The following HORMAD2 variants were observed in gnomAD, a reference collection of about 807,000 sequenced individuals.
HORMAD2 encodes HORMA domain-containing protein 2.
Under a neutral mutation model 38.8 loss-of-function variants are expected in HORMAD2, and 45 were observed. That is an observed-to-expected ratio of 1.16 (90% confidence interval 0.91 to 1.49). The LOEUF (loss-of-function observed/expected upper bound fraction) is 1.49, where lower values mean the gene tolerates loss of function less well. Ranked by LOEUF, HORMAD2 falls within the 40% of genes most tolerant of loss-of-function variation. The pLI, the probability that HORMAD2 is intolerant of heterozygous loss-of-function variation, is 0.00. For missense variants in HORMAD2, 338 were observed against 367.0 expected, an observed-to-expected ratio of 0.92 and a Z score of 0.65; for synonymous variants, 126 against 122.8, an observed-to-expected ratio of 1.03 and a Z score of -0.17.
intron 10 of HORMAD2, among the ~76,000 whole-genome samples, chr22:30,171,138 C>G (rs925991157): frequency 6.6e-6 from 1 of 152,156 alleles, no homozygotes; most frequent in Non-Finnish European, 1.5e-5. Flanking sequence ...TAGGCTATGT[C>G]CTGATCCTTT....
chr22:30,170,682 C>G (rs1421114009), intron 10 of HORMAD2, among the ~76,000 whole-genome samples: 1 of 152,082 alleles, frequency 6.6e-6, no homozygotes, highest in East Asian at 1.9e-4. Flanking sequence ...CTCCCACCAC[C>G]ATTTCCAGTC....
chr22:30,203,106 A>C, the HORMAD2 span, among the ~76,000 whole-genome samples: 8 of 152,246 alleles, frequency 5.3e-5, no homozygotes, highest in African/African-American at 1.9e-4. Flanking sequence ...AGACAAATAC[A>C]CTATTTAAAA....
chr22:30,107,496 C>T (rs1406589047), intron 5 of HORMAD2, among the ~76,000 whole-genome samples: 1 of 152,076 alleles, frequency 6.6e-6, no homozygotes, highest in Non-Finnish European at 1.5e-5. Flanking sequence ...CACCTGTAAT[C>T]CCAGCACTTT....
chr22:30,135,336 C>G (rs1488390583), intron 10 of HORMAD2, among the ~76,000 whole-genome samples: 1 of 151,798 alleles, frequency 6.6e-6, no homozygotes, highest in Non-Finnish European at 1.5e-5. Flanking sequence ...AAAAGTGAGA[C>G]CAGTCTTAAA....
Position 30,166,620 on chromosome 22 carries a change from T to C in HORMAD2, c.820-9443T>C, listed in dbSNP as rs12167625. On this transcript the variant is annotated intron_variant, in intron 10 of 10. Transcript: ENST00000336726. ...GTGTGAAAGACATTGTGTAAAGCAT[T>C]GCAGAGAGGCAAAAGGCCATAAAAT... Among the ~76,000 whole-genome samples the C allele has an allele frequency of 3.8e-3, 585 of 152,318 alleles. 7 individuals carry two copies. Among genetic ancestry groups the C allele is most frequent in the African/African-American group, 0.014 (567 of 41,580 alleles).
In HORMAD2 at chr22:30,122,041, A is replaced by G. The variant is rs372564784; in HGVS notation, c.646A>G (p.Ile216Val). 1.9e-6 allele frequency: 3 copies of G among 1,613,522 alleles called. No homozygotes were observed. The highest frequency in any genetic ancestry group is 1.3e-5 in the African/African-American group (1 of 75,034). The change falls in exon 10 of 11, where the codon ATC (isoleucine) becomes GTC (valine). Residue 216 changes from isoleucine (I) to valine (V), a missense_variant. Ile to Val is a conservative substitution (Grantham distance 29). Transcript: ENST00000336726. ...SHFLLFDKEP[I>V]NVQVGFVSTG... ...CTTCCTGCTGTTTGACAAGGAGCCT[A>G]TCAACGTGCAAGTGGGATTTGTCTC...
In HORMAD2 at chr22:30,136,891, T is replaced by C. The variant is rs1270558938; in HGVS notation, c.819+14677T>C. The stretch of plus-strand genomic sequence containing the variant: ...GCCTTTTCTATGTCTTTTCCAGTGC[T>C]GTCTGGAATCAATTTATTGACCACT... On this transcript the variant is annotated intron_variant, in intron 10 of 10. Transcript: ENST00000336726. 6 of 450,896 alleles carry C rather than the reference T, an allele frequency of 1.3e-5. 1 individual carries two copies. In the South Asian group the frequency reaches 1.8e-4, roughly 13 times the overall value. 27.9% of individuals were successfully genotyped at this position (450,896 alleles called of 1,614,324 possible). A position where few individuals can be genotyped will look rare whatever the true frequency, so the allele number is the denominator to read the frequency against.
chr22:30,150,693 C>G (rs1041679845), intron 10 of HORMAD2, among the ~76,000 whole-genome samples: 1 of 152,158 alleles, frequency 6.6e-6, no homozygotes, highest in Non-Finnish European at 1.5e-5. Flanking sequence ...ATTTTAAAAT[C>G]TTTCCTCTTG....
Position 30,176,140 on chromosome 22 carries a change from G to A in HORMAD2, c.897G>A (p.Val299=). Residue 299 remains valine, a synonymous_variant, in exon 11 of 11, where the codon GTG becomes GTA. Coordinates refer to ENST00000336726, the MANE Select transcript of HORMAD2 (RefSeq NM_152510.4). ...SRKKRKVSEP[V]KVFIPNRK ...AGAAGAGGAAGGTCAGTGAACCAGT[G>A]AAGGTCTTCATCCCTAACAGAAAAT... The A allele has an allele frequency of 6.2e-7, 1 of 1,611,126 alleles. No homozygotes were observed. Among genetic ancestry groups the A allele is most frequent in the South Asian group, 1.1e-5 (1 of 91,018 alleles).
chr22:30,139,468 T>G (rs886464959), intron 10 of HORMAD2, among the ~76,000 whole-genome samples: 1 of 151,686 alleles, frequency 6.6e-6, no homozygotes, highest in African/African-American at 2.4e-5. Context: ...AGAAGATTCC[T>G]GATTACTTTC....
the HORMAD2 span, among the ~76,000 whole-genome samples, chr22:30,187,635 G>T: frequency 6.6e-6 from 1 of 151,874 alleles, no homozygotes; most frequent in Admixed American, 6.6e-5. Flanking sequence ...AGTCTACTGT[G>T]TTAAGTACTG....
chr22:30,154,527 C>G (rs886110863), intron 10 of HORMAD2, among the ~76,000 whole-genome samples: 5 of 152,116 alleles, frequency 3.3e-5, no homozygotes, highest in Admixed American at 2.0e-4. Context: ...CCTCAGATTC[C>G]TTTCAAGTTT....
At chr22:30,088,131 A>ATGTGTACATATACACACATACACG (rs1491241594) in intron 1 of HORMAD2, among the ~76,000 whole-genome samples, 43 of 151,610 alleles carry the variant, frequency 2.8e-4, no homozygotes, top group African/African-American at 9.6e-4. Context: ...ACACGTACAC[A>ATGTGTACATATACACACATACACG]TGTGTACATA....
At position 30,103,490 on chromosome 22, in the gene HORMAD2, AT is replaced by A; in HGVS notation, c.249del (p.Ile84SerfsTer21). On this transcript the variant is annotated frameshift_variant, in exon 4 of 11. Transcript: ENST00000336726. LOFTEE classifies it high-confidence loss of function. ...TAAAAAATGTCCCGGGTCACTGCAT[AT>A]TATCAGATGGTAAGTAATAGAAATT... ...EDKKCPGSLH[I>X]IRWIQGCFDA... The A allele has an allele frequency of 6.6e-7, 1 of 1,505,322 alleles. No individual in the cohort carries two copies. Among genetic ancestry groups the A allele is most frequent in the Non-Finnish European group, 9.1e-7 (1 of 1,104,072 alleles). 93.2% of individuals were successfully genotyped at this position (1,505,322 alleles called of 1,614,324 possible).
At chr22:30,199,927 T>C in the HORMAD2 span, among the ~76,000 whole-genome samples, 3 of 150,740 alleles carry the variant, frequency 2.0e-5, no homozygotes, top group Non-Finnish European at 4.4e-5. Context: ...CTGGCCAACA[T>C]GGCAAAACCC....
At chr22:30,090,199 C>CA (rs2068657490) in intron 1 of HORMAD2, among the ~76,000 whole-genome samples, 1 of 152,088 alleles carries the variant, frequency 6.6e-6, no homozygotes, top group South Asian at 2.1e-4. Context: ...CCCATCTCCA[C>CA]AAAAAATACA....
the HORMAD2 span, among the ~76,000 whole-genome samples, chr22:30,193,226 G>C: frequency 6.6e-6 from 1 of 152,172 alleles, no homozygotes; most frequent in Non-Finnish European, 1.5e-5. Flanking sequence ...TGACCTAACA[G>C]TGTAATGCAC....
At chr22:30,079,622 CAG>C (rs2068434155), upstream of HORMAD2, among the ~76,000 whole-genome samples, 1 of 152,172 alleles carries the variant, frequency 6.6e-6, no homozygotes, top group African/African-American at 2.4e-5. Context: ...CCTCCTACCT[CAG>C]CCTCCCGAGC....
intron 10 of HORMAD2, among the ~76,000 whole-genome samples, chr22:30,169,839 G>C (rs1445143857): frequency 1.3e-5 from 2 of 152,098 alleles, no homozygotes; most frequent in South Asian, 4.1e-4. Context: ...GATAATTTTT[G>C]TCATGTTTTA....
Sources: gnomAD v4.1 joint callset for allele counts (sites outside exome capture counted in the v4.1 genomes callset) on GRCh38, gnomAD v4.1.1 for gene constraint, MANE v1.5 for transcripts, NCBI Gene and HGNC (gene_info 2026-07-23, HGNC 2026-07-21) for gene names.